Variants in IL16 observed in about 807,000 individuals in gnomAD.
IL16 encodes pro-interleukin-16.
IL16 carries 67 observed loss-of-function variants against 110.1 expected under a neutral mutation model. That is an observed-to-expected ratio of 0.61 (90% confidence interval 0.50 to 0.75). IL16 has a LOEUF of 0.75. Ranked by LOEUF, IL16 falls within the 30% of genes least tolerant of loss-of-function variation. The pLI, the probability that IL16 is intolerant of heterozygous loss-of-function variation, is 0.00. For missense variants in IL16, 1,545 were observed against 1,655.0 expected (o/e 0.93, Z 1.15); for synonymous variants, 689 against 662.9 (o/e 1.04, Z -0.61).
intron 6 of IL16, among the ~76,000 whole-genome samples, chr15:81,274,014 C>G (rs368015410): frequency 4.0e-5 from 6 of 150,734 alleles, no homozygotes; most frequent in African/African-American, 2.4e-5. Context: ...ACTCAGGAGG[C>G]AAAGTTCAGG....
chr15:81,290,542 T>TAAGACA lies in IL16; in HGVS notation c.1420+5_1420+10dup, dbSNP rs754026625. ...AGAGGCATCAGTGGAGTCTGGAAGG[T>TAAGACA]AAGACAAATGGTGAACTTTGATGTA... is the stretch of plus-strand genomic sequence containing the variant. On this transcript the variant is annotated splice_region_variant and intron_variant, in intron 11 of 18. Transcript: ENST00000683961. 1 of 1,597,828 alleles carries TAAGACA rather than the reference T, an allele frequency of 6.3e-7. No homozygotes were observed. The highest frequency in any genetic ancestry group is 1.7e-5 in the Admixed American group (1 of 59,680).
chr15:81,186,494 G>T (rs1001482925), intron 1 of IL16, among the ~76,000 whole-genome samples: 4 of 152,168 alleles, frequency 2.6e-5, no homozygotes, highest in Non-Finnish European at 5.9e-5. Flanking sequence ...GCTTCCACTC[G>T]ACATTGGGTT....
chr15:81,221,507 A>G (rs1388657358), intron 1 of IL16, among the ~76,000 whole-genome samples: 2 of 152,150 alleles, frequency 1.3e-5, no homozygotes, highest in African/African-American at 2.4e-5. Context: ...GCTGGTTCCA[A>G]TGTCCTGAGC....
chr15:81,256,008 A>G (rs978206781), intron 2 of IL16, among the ~76,000 whole-genome samples: 1 of 152,246 alleles, frequency 6.6e-6, no homozygotes, highest in Non-Finnish European at 1.5e-5. Context: ...TGGAAAATAT[A>G]GAAAATACAG....
chr15:81,237,230 C>G (rs1897205251), intron 2 of IL16, among the ~76,000 whole-genome samples: 1 of 152,168 alleles, frequency 6.6e-6, no homozygotes, highest in African/African-American at 2.4e-5. Flanking sequence ...CCTGATCCTC[C>G]TCTTATCCTG....
At chr15:81,292,212 C>T in intron 11 of IL16, 1 of 375,548 alleles carries the variant, frequency 2.7e-6, no homozygotes, top group South Asian at 2.1e-5. Context: ...CAGCTGTCTG[C>T]AGCTGTGGCA....
Position 81,278,839 on chromosome 15 carries a change from T to C in IL16, c.813T>C (p.Asn271=), listed in dbSNP as rs576259062. 6.8e-5 allele frequency: 110 copies of C among 1,612,776 alleles called. 1 individual carries two copies. In the South Asian group the frequency reaches 1.0e-3, roughly 15 times the overall value. ...LQEGDEILEL[N]GESMAGLTHQ... is the part of the protein sequence containing the mutation. Reference sequence around the variant, plus strand: ...CAGGTGATGAAATTCTGGAGCTCAATGGTGAATCAATGGCTGGACTAACAC... The same window carrying C: ...CAGGTGATGAAATTCTGGAGCTCAACGGTGAATCAATGGCTGGACTAACAC... Residue 271 remains asparagine, a synonymous_variant, in exon 7 of 19, where the codon AAT becomes AAC. Transcript: ENST00000683961.
chr15:81,218,191 A>G (rs1406864388), intron 1 of IL16, among the ~76,000 whole-genome samples: 3 of 152,200 alleles, frequency 2.0e-5, no homozygotes, highest in African/African-American at 7.2e-5. Flanking sequence ...GTAAATATAC[A>G]AAAGTCACTT....
intron 2 of IL16, among the ~76,000 whole-genome samples, chr15:81,246,596 G>A (rs186463431): frequency 3.3e-5 from 5 of 152,110 alleles, no homozygotes; most frequent in East Asian, 1.9e-4. Context: ...TTTTTCTCCT[G>A]TACTGGTTCC....
chr15:81,244,660 G>T (rs1303533648), intron 2 of IL16, among the ~76,000 whole-genome samples: 1 of 151,918 alleles, frequency 6.6e-6, no homozygotes, highest in African/African-American at 2.4e-5. Context: ...GGGCTTTTAT[G>T]TATGTTTCTT....
intron 2 of IL16, among the ~76,000 whole-genome samples, chr15:81,232,819 T>C (rs1221630308): frequency 6.6e-6 from 1 of 152,178 alleles, no homozygotes; most frequent in Admixed American, 6.5e-5. Flanking sequence ...ACCTAAAACT[T>C]TCCTTTCTGG....
intron 8 of IL16, among the ~76,000 whole-genome samples, chr15:81,281,216 G>T (rs1899159933): frequency 6.6e-6 from 1 of 152,234 alleles, no homozygotes; most frequent in Admixed American, 6.5e-5. Flanking sequence ...TCATGGGACT[G>T]CTGGGAGGAC....
At chr15:81,274,002 C>T (rs1898780145) in intron 6 of IL16, among the ~76,000 whole-genome samples, 1 of 147,562 alleles carries the variant, frequency 6.8e-6, no homozygotes, top group Admixed American at 7.1e-5. Flanking sequence ...TGCCAGGTTT[C>T]AACTCAGGAG....
At chr15:81,274,031 A>G (rs985188525) in intron 6 of IL16, among the ~76,000 whole-genome samples, 1 of 150,652 alleles carries the variant, frequency 6.6e-6, no homozygotes, top group Non-Finnish European at 1.5e-5. Context: ...CAGGGGCTGG[A>G]AGTCACAGGG....
At chr15:81,280,309 A>G (rs943000392) in intron 8 of IL16, among the ~76,000 whole-genome samples, 8 of 152,252 alleles carry the variant, frequency 5.3e-5, no homozygotes, top group African/African-American at 1.9e-4. Flanking sequence ...GCTGGGCTCC[A>G]GCACAGGGGC....
chr15:81,237,991 G>A (rs1281388447), intron 2 of IL16, among the ~76,000 whole-genome samples: 2 of 151,898 alleles, frequency 1.3e-5, no homozygotes, highest in African/African-American at 4.8e-5. Flanking sequence ...TGCAACCTCC[G>A]CCTCCCAGGT....
intron 1 of IL16, among the ~76,000 whole-genome samples, chr15:81,185,502 C>T (rs554504186): frequency 3.0e-4 from 45 of 152,124 alleles, no homozygotes; most frequent in African/African-American, 9.9e-4. Flanking sequence ...ACTACAGGAG[C>T]GTGCCACCAT....
rs572070623 is a variant in IL16 at position 81,202,623 on chromosome 15, T to C, written c.-102+5471T>C. Among the ~76,000 whole-genome samples, 4 of 152,128 alleles carry C rather than the reference T, an allele frequency of 2.6e-5. No homozygotes were observed. In the East Asian group the frequency reaches 7.7e-4, roughly 29 times the overall value. ...GTTTGCTGAGAATGATGGTTTCCAG[T>C]TTCATCCATGTCCCTACAAAGGACA... On this transcript the variant is annotated intron_variant, in intron 1 of 18. Coordinates refer to ENST00000683961, the MANE Select transcript of IL16 (RefSeq NM_172217.5).
intron 1 of IL16, among the ~76,000 whole-genome samples, chr15:81,203,365 C>T (rs2141961806): frequency 6.6e-6 from 1 of 152,226 alleles, no homozygotes. Flanking sequence ...GTTGCCATTG[C>T]TTTTGGTGTT....
Sources: gnomAD v4.1 joint callset for allele counts (sites outside exome capture counted in the v4.1 genomes callset) on GRCh38, gnomAD v4.1.1 for gene constraint, MANE v1.5 for transcripts, NCBI Gene and HGNC (gene_info 2026-07-23, HGNC 2026-07-21) for gene names.